The following ALCAM variants were observed in gnomAD, a reference collection of about 807,000 sequenced individuals.
ALCAM encodes activated leukocyte cell adhesion molecule, also known as CD166 antigen.
ALCAM carries 30 observed loss-of-function variants against 70.9 expected under a neutral mutation model. The observed-to-expected ratio is 0.42, with a 90% CI of 0.32 to 0.57. ALCAM has a LOEUF of 0.57. Among genes scored for constraint, ALCAM ranks in the 20% least tolerant of loss-of-function variants. ALCAM has a pLI of 0.11. For synonymous variants in ALCAM, 249 were observed against 242.5 expected, an observed-to-expected ratio of 1.03 and a Z score of -0.25; for missense variants, 591 against 695.1, an observed-to-expected ratio of 0.85 and a Z score of 1.68.
At chr3:105,385,055 G>C (rs997003895) in intron 1 of ALCAM, among the ~76,000 whole-genome samples, 4 of 151,392 alleles carry the variant, frequency 2.6e-5, no homozygotes, top group Non-Finnish European at 5.9e-5. Flanking sequence ...CCATTTCTAA[G>C]ACAAATACTG....
intron 1 of ALCAM, among the ~76,000 whole-genome samples, chr3:105,409,286 G>A (rs1936327391): frequency 6.6e-6 from 1 of 151,862 alleles, no homozygotes; most frequent in Non-Finnish European, 1.5e-5. Flanking sequence ...AAAAATATGG[G>A]ACCAGTTCAA....
chr3:105,376,749 G>A (rs7618632), intron 1 of ALCAM, among the ~76,000 whole-genome samples: 15,044 of 152,186 alleles, frequency 0.099, 851 homozygotes, highest in South Asian at 0.16. Flanking sequence ...CGTCTAGCAG[G>A]AAGTGATATC....
At chr3:105,546,813 C>A (rs1203046591) in intron 9 of ALCAM, among the ~76,000 whole-genome samples, 2 of 151,248 alleles carry the variant, frequency 1.3e-5, no homozygotes, top group Non-Finnish European at 3.0e-5. Context: ...TGCTTAGGAG[C>A]ATTTCAATTC....
chr3:105,374,500 G>A lies in ALCAM; in HGVS notation c.73+7019G>A, dbSNP rs941743283. 2.0e-5 allele frequency among the ~76,000 whole-genome samples: 3 copies of A among 152,012 alleles called. No homozygotes were observed. The South Asian group carries it at 6.2e-4, about 32-fold the overall frequency. On this transcript the variant is annotated intron_variant, in intron 1 of 15. Transcript: ENST00000306107. ...CACTAAGAAATCTTCTAATTATAAT[G>A]TGATGCTTGTTTTTTGTTTTTGTTT... is the stretch of plus-strand genomic sequence containing the variant.
At chr3:105,465,199 G>A (rs545947193) in intron 1 of ALCAM, among the ~76,000 whole-genome samples, 28 of 151,610 alleles carry the variant, frequency 1.8e-4, no homozygotes, top group African/African-American at 6.5e-4. Context: ...AGATTCAAAA[G>A]CAGGAGTAGC....
chr3:105,490,479 A>G (rs1031010219), intron 1 of ALCAM, among the ~76,000 whole-genome samples: 1 of 152,168 alleles, frequency 6.6e-6, no homozygotes, highest in Admixed American at 6.5e-5. Context: ...CTTGTGTTCT[A>G]TGAGTCTTTA....
intron 1 of ALCAM, among the ~76,000 whole-genome samples, chr3:105,506,557 T>C (rs1274154458): frequency 2.0e-5 from 3 of 152,222 alleles, no homozygotes; most frequent in African/African-American, 7.2e-5. Flanking sequence ...CTCTTACAGC[T>C]CGTCTTTATA....
chr3:105,547,559 G>A (rs1466173237), intron 11 of ALCAM, 36 bp downstream of exon 11: 17 of 1,589,402 alleles, frequency 1.1e-5, no homozygotes, highest in South Asian at 4.6e-5. Flanking sequence ...GCTGCACTTC[G>A]TCCAATGCGT....
chr3:105,503,375 T>A (rs1456358998), intron 1 of ALCAM, among the ~76,000 whole-genome samples: 1 of 152,214 alleles, frequency 6.6e-6, no homozygotes, highest in Non-Finnish European at 1.5e-5. Context: ...GTGTACTTAG[T>A]TATGTTGGGA....
At chr3:105,523,705 G>A (rs982056601) in intron 2 of ALCAM, among the ~76,000 whole-genome samples, 1 of 152,100 alleles carries the variant, frequency 6.6e-6, no homozygotes, top group African/African-American at 2.4e-5. Context: ...CAAAACTATG[G>A]GTTGTATTAG....
At chr3:105,493,860 T>C (rs962344785) in intron 1 of ALCAM, among the ~76,000 whole-genome samples, 4 of 152,204 alleles carry the variant, frequency 2.6e-5, no homozygotes, top group African/African-American at 9.6e-5. Flanking sequence ...AAGTACTTTA[T>C]ATTAGCTTAT....
chr3:105,568,996 G>A lies in ALCAM; in HGVS notation c.1665-2856G>A, dbSNP rs1021508596. Among the ~76,000 whole-genome samples, 5 of 151,658 alleles carry A rather than the reference G, an allele frequency of 3.3e-5. No individual in the cohort carries two copies. The East Asian group carries it at 9.6e-4, about 29-fold the overall frequency. Reference sequence around the variant, plus strand: ...ATATGGCTTTATTCTTACCATACAGGTCAAGGCAGATTAAAAAACTTAAAA... The same window carrying A: ...ATATGGCTTTATTCTTACCATACAGATCAAGGCAGATTAAAAAACTTAAAA... On this transcript the variant is annotated intron_variant, in intron 14 of 15. Transcript: ENST00000306107.
intron 1 of ALCAM, among the ~76,000 whole-genome samples, chr3:105,481,577 A>G (rs910327259): frequency 3.9e-5 from 6 of 152,184 alleles, no homozygotes; most frequent in Non-Finnish European, 8.8e-5. Flanking sequence ...TAAATCAGTA[A>G]GTTTTTCTTA....
chr3:105,456,323 G>T (rs146185175), intron 1 of ALCAM, among the ~76,000 whole-genome samples: 1 of 152,096 alleles, frequency 6.6e-6, no homozygotes, highest in East Asian at 1.9e-4. Flanking sequence ...GAACAGTTGC[G>T]GACTAAGCTC....
At chr3:105,422,312 A>G (rs1576152823) in intron 1 of ALCAM, among the ~76,000 whole-genome samples, 1 of 151,448 alleles carries the variant, frequency 6.6e-6, no homozygotes, top group South Asian at 2.1e-4. Flanking sequence ...ACCTGTGCAC[A>G]TGTCTTTTTC....
intron 1 of ALCAM, among the ~76,000 whole-genome samples, chr3:105,504,887 C>G (rs1252661003): frequency 2.0e-5 from 3 of 152,172 alleles, no homozygotes; most frequent in South Asian, 2.1e-4. Flanking sequence ...CTTCCCCCTT[C>G]TGTATCATTT....
At chr3:105,443,874 C>T (rs756181425) in intron 1 of ALCAM, among the ~76,000 whole-genome samples, 2 of 151,830 alleles carry the variant, frequency 1.3e-5, no homozygotes, top group Non-Finnish European at 2.9e-5. Context: ...CAATCCACAC[C>T]CAATTTTAGA....
At chr3:105,414,704 G>A (rs1433212280) in intron 1 of ALCAM, among the ~76,000 whole-genome samples, 1 of 151,960 alleles carries the variant, frequency 6.6e-6, no homozygotes, top group Non-Finnish European at 1.5e-5. Context: ...ATGAGCTAAG[G>A]GTCAGAATAT....
At chr3:105,561,675 T>C (rs1357710984) in intron 14 of ALCAM, among the ~76,000 whole-genome samples, 2 of 152,134 alleles carry the variant, frequency 1.3e-5, no homozygotes, top group East Asian at 3.9e-4. Context: ...CAAATGCAAG[T>C]TTTGGTGTTT....
Sources: allele counts gnomAD v4.1 joint callset (sites outside exome capture counted in the v4.1 genomes callset), GRCh38; gene constraint gnomAD v4.1.1; transcripts MANE v1.5; gene names NCBI Gene and HGNC (gene_info 2026-07-23, HGNC 2026-07-21).